SGCZ: variants seen among roughly 807,000 people sequenced by gnomAD.
SGCZ encodes zeta-sarcoglycan.
A neutral mutation model predicts 41.3 loss-of-function variants in SGCZ; 40 were observed. That is an observed-to-expected ratio of 0.97 (90% CI 0.75 to 1.26). The LOEUF (loss-of-function observed/expected upper bound fraction) is 1.26, where lower values mean the gene tolerates loss of function less well. Ranked by LOEUF, SGCZ falls within the 50% of genes most tolerant of loss-of-function variation. SGCZ has a pLI of 0.00. For missense variants in SGCZ, 552 were observed against 369.8 expected (o/e 1.49, Z -4.04); for synonymous variants, 206 against 137.5 (o/e 1.50, Z -3.49).
At chr8:14,095,447 T>G (rs1317889159) in intron 7 of SGCZ, among the ~76,000 whole-genome samples, 2 of 151,728 alleles carry the variant, frequency 1.3e-5, no homozygotes, top group African/African-American at 4.8e-5. Context: ...TGTATGGTGT[T>G]ATTTCTGAGG....
Position 15,210,962 on chromosome 8 carries a change from C to G in SGCZ, c.39+26623G>C, listed in dbSNP as rs538494176. 2.0e-5 allele frequency among the ~76,000 whole-genome samples: 3 copies of G among 151,872 alleles called. No individual in the cohort carries two copies. In the South Asian group the frequency reaches 6.2e-4, roughly 31 times the overall value. On this transcript the variant is annotated intron_variant, in intron 1 of 7. Transcript: ENST00000382080. The stretch of plus-strand genomic sequence containing the variant: ...TTGCCTTTGCCTAGAAATCTTGGAT[C>G]AATCCAACTGTCCAAATTTTCCCCT...
chr8:14,273,029 TAATAAC>T (rs540100511), intron 3 of SGCZ, among the ~76,000 whole-genome samples: 2 of 152,046 alleles, frequency 1.3e-5, no homozygotes, highest in Non-Finnish European at 2.9e-5. Context: ...TGAAATTTCT[TAATAAC>T]AACTAAGAAA....
chr8:15,081,651 G>T (rs765323982), intron 1 of SGCZ, among the ~76,000 whole-genome samples: 5 of 152,162 alleles, frequency 3.3e-5, no homozygotes, highest in Non-Finnish European at 7.3e-5. Context: ...TTTCCAGTAG[G>T]TGTTGTGTAC....
chr8:14,098,320 T>C (rs1024990582), intron 7 of SGCZ, among the ~76,000 whole-genome samples: 2 of 152,174 alleles, frequency 1.3e-5, no homozygotes, highest in African/African-American at 2.4e-5. Context: ...TTTGTTTTTC[T>C]GATGTGAAAG....
At chr8:14,567,445 T>C (rs559638642) in intron 1 of SGCZ, among the ~76,000 whole-genome samples, 2 of 152,130 alleles carry the variant, frequency 1.3e-5, no homozygotes, top group South Asian at 2.1e-4. Context: ...CATGGAGAAC[T>C]TTTGTGTCTG....
At chr8:14,582,799 A>G (rs1255231988) in intron 1 of SGCZ, among the ~76,000 whole-genome samples, 4 of 150,414 alleles carry the variant, frequency 2.7e-5, no homozygotes, top group Non-Finnish European at 5.9e-5. Flanking sequence ...GAGAATGATG[A>G]TTTCCAGTTT....
intron 1 of SGCZ, among the ~76,000 whole-genome samples, chr8:14,563,067 AC>A (rs1301119267): frequency 6.6e-6 from 1 of 152,126 alleles, no homozygotes; most frequent in Non-Finnish European, 1.5e-5. Flanking sequence ...CTTATGAAAA[AC>A]TGAAGATAGC....
intron 6 of SGCZ, among the ~76,000 whole-genome samples, chr8:14,107,938 C>A (rs1179897597): frequency 1.3e-5 from 2 of 152,240 alleles, no homozygotes; most frequent in Middle Eastern, 3.4e-3. Context: ...CCACCGTGCC[C>A]GGCCTCAGGA....
rs563333134 is a variant in SGCZ at position 14,508,853 on chromosome 8, T to G, written c.234+45879A>C. Among the ~76,000 whole-genome samples, 29 of 152,312 alleles carry G rather than the reference T, an allele frequency of 1.9e-4. No individual in the cohort carries two copies. The East Asian group carries it at 2.5e-3, about 13-fold the overall frequency. ...AAATAGGACCACTCTACTATTTGGATGATTACATTTTTGGGTGCTTAAGTG... is the reference window on the plus strand; with the variant it reads ...AAATAGGACCACTCTACTATTTGGAGGATTACATTTTTGGGTGCTTAAGTG... On this transcript the variant is annotated intron_variant, in intron 2 of 7. Coordinates refer to ENST00000382080, the MANE Select transcript of SGCZ (RefSeq NM_139167.4).
Position 14,637,803 on chromosome 8 carries a change from T to G in SGCZ, c.40-82877A>C, listed in dbSNP as rs549431716. Among the ~76,000 whole-genome samples, 3 of 151,980 alleles carry G rather than the reference T, an allele frequency of 2.0e-5. No homozygotes were observed. In the South Asian group the frequency reaches 6.2e-4, roughly 32 times the overall value. ...AATATGCATGCATGTATCTTTTTGG[T>G]GGAACAATTTATGTTTCTTTGAGTA... On this transcript the variant is annotated intron_variant, in intron 1 of 7. Transcript: ENST00000382080.
intron 1 of SGCZ, among the ~76,000 whole-genome samples, chr8:14,996,204 C>T (rs1288991737): frequency 1.3e-5 from 2 of 152,094 alleles, no homozygotes; most frequent in African/African-American, 4.8e-5. Context: ...CATCAGACCA[C>T]TTATTTGCTT....
intron 1 of SGCZ, among the ~76,000 whole-genome samples, chr8:14,849,638 A>T (rs1563313793): frequency 2.6e-5 from 4 of 152,146 alleles, no homozygotes; most frequent in Non-Finnish European, 2.9e-5. Context: ...TCTCAGCTAT[A>T]CGTGGGGTGA....
At chr8:14,462,988 G>T (rs563787543) in intron 2 of SGCZ, among the ~76,000 whole-genome samples, 1 of 151,362 alleles carries the variant, frequency 6.6e-6, no homozygotes. Flanking sequence ...TTTTCAAATG[G>T]TTTATTTTTA....
At chr8:14,284,127 A>T (rs1800540130) in intron 3 of SGCZ, among the ~76,000 whole-genome samples, 1 of 152,228 alleles carries the variant, frequency 6.6e-6, no homozygotes, top group Admixed American at 6.5e-5. Flanking sequence ...CCTCGTGGCC[A>T]ATGCCTGCAA....
intron 1 of SGCZ, chr8:14,879,079 C>A (rs1427237206): frequency 6.6e-6 from 1 of 152,092 alleles, no homozygotes; most frequent in Non-Finnish European, 1.5e-5. Flanking sequence ...AATTCCAACA[C>A]TTTGGGAGGA....
intron 5 of SGCZ, among the ~76,000 whole-genome samples, chr8:14,111,289 C>T (rs1802362972): frequency 6.6e-6 from 1 of 151,992 alleles, no homozygotes; most frequent in South Asian, 2.1e-4. Context: ...CAAGTAAATT[C>T]AAAATTAGTA....
chr8:14,942,510 C>T (rs1181562044), intron 1 of SGCZ, among the ~76,000 whole-genome samples: 1 of 152,040 alleles, frequency 6.6e-6, no homozygotes, highest in Non-Finnish European at 1.5e-5. Flanking sequence ...CAAAAGATTC[C>T]TTGGCATCTA....
chr8:14,106,203 G>A (rs911472503), intron 6 of SGCZ, among the ~76,000 whole-genome samples: 2 of 152,162 alleles, frequency 1.3e-5, no homozygotes, highest in Non-Finnish European at 2.9e-5. Context: ...CAGCATTAAG[G>A]ATAAACAAGG....
At position 14,322,319 on chromosome 8, in the gene SGCZ, C is replaced by T. The variant is rs62497791; in HGVS notation, c.336+1784G>A. Among the ~76,000 whole-genome samples the T allele has an allele frequency of 9.1e-3, 1,385 of 151,920 alleles. 42 individuals are homozygous for T. In the East Asian group the frequency reaches 0.1, roughly 11 times the overall value. On this transcript the variant is annotated intron_variant, in intron 3 of 7. Transcript: ENST00000382080. Reference sequence around the variant, plus strand: ...CCAGCATCAGGGCTGGGATATGAAGCGGAGCATATATTCTTCAGTCAATAC... The same window carrying T: ...CCAGCATCAGGGCTGGGATATGAAGTGGAGCATATATTCTTCAGTCAATAC...
Sources: gnomAD v4.1 joint callset for allele counts (sites outside exome capture counted in the v4.1 genomes callset) on GRCh38, gnomAD v4.1.1 for gene constraint, MANE v1.5 for transcripts, NCBI Gene and HGNC (gene_info 2026-07-23, HGNC 2026-07-21) for gene names.